HDAC11: variants seen among roughly 807,000 people sequenced by gnomAD.
HDAC11 encodes histone deacetylase 11.
Under a neutral mutation model 41.1 loss-of-function variants are expected in HDAC11, and 23 were observed. The observed-to-expected ratio is 0.56, with a 90% CI of 0.40 to 0.79. The LOEUF (loss-of-function observed/expected upper bound fraction) is 0.79, where lower values mean the gene tolerates loss of function less well. HDAC11 is among the 30% of genes least tolerant of loss of function. The probability of loss-of-function intolerance (pLI) is 0.00; values close to 1 mark genes in which losing one functional copy is unlikely to be tolerated. For missense variants in HDAC11, 402 were observed against 477.3 expected (o/e 0.84, Z 1.47); for synonymous variants, 187 against 186.6 (o/e 1.00, Z -0.02).
chr3:13,504,038 C>T (rs780578537), intron 8 of HDAC11, 56 bp from the exon 9 acceptor site: 16 of 1,538,448 alleles, frequency 1.0e-5, no homozygotes, highest in Non-Finnish European at 1.4e-5. Context: ...ACAGTCTTGT[C>T]CTGAGCCTCA....
intron 3 of HDAC11, among the ~76,000 whole-genome samples, chr3:13,493,342 G>A (rs1029600908): frequency 3.9e-5 from 6 of 152,036 alleles, no homozygotes; most frequent in South Asian, 2.1e-4. Flanking sequence ...CCAGGGACCC[G>A]CCACTAGTCC....
intron 8 of HDAC11, chr3:13,503,202 G>A: frequency 5.7e-6 from 2 of 353,516 alleles, no homozygotes; most frequent in Non-Finnish European, 1.0e-5. Flanking sequence ...CATTTGTCTG[G>A]CAAAAAACAG....
chr3:13,483,463 G>T lies in HDAC11; in HGVS notation c.152-1G>T. On this transcript the variant is annotated splice_acceptor_variant, in intron 2 of 9. Coordinates refer to ENST00000295757, the MANE Select transcript of HDAC11 (RefSeq NM_024827.4). LOFTEE classifies it high-confidence loss of function. Reference sequence around the variant, plus strand: ...GCAGGATGCTCCCTCTGTGGTTTCAGAAGAGAAGCTTCTGTCTGACAGCAT... The same window carrying T: ...GCAGGATGCTCCCTCTGTGGTTTCATAAGAGAAGCTTCTGTCTGACAGCAT... The T allele has an allele frequency of 6.2e-7, 1 of 1,614,004 alleles. No individual in the cohort carries two copies. Among genetic ancestry groups the T allele is most frequent in the Non-Finnish European group, 8.5e-7 (1 of 1,179,890 alleles).
At position 13,504,806 on chromosome 3, in the gene HDAC11, C is replaced by A; in HGVS notation, c.*123C>A. ...CATGGAGGGGCAGGGCCATCCCTGG[C>A]TGGGGCCTGGAGCTGGCCCTTCCTC... On this transcript the variant is annotated 3_prime_UTR_variant, in exon 10 of 10. Coordinates refer to ENST00000295757, the MANE Select transcript of HDAC11 (RefSeq NM_024827.4). 1 of 865,066 alleles carries A rather than the reference C, an allele frequency of 1.2e-6. No homozygotes were observed. The allele number at this position is 865,066 out of a possible 1,614,324, so 53.6% of individuals were successfully genotyped here.
rs577815999 is a variant in HDAC11 at position 13,490,054 on chromosome 3, C to T, written c.252+6490C>T. 1.5e-4 allele frequency among the ~76,000 whole-genome samples: 22 copies of T among 151,452 alleles called. No homozygotes were observed. In the East Asian group the frequency reaches 2.9e-3, roughly 20 times the overall value. On this transcript the variant is annotated intron_variant, in intron 3 of 9. Transcript: ENST00000295757. The stretch of plus-strand genomic sequence containing the variant: ...TGTCGCCTATGCTGGAGTGCAATGG[C>T]GCGATCTCGGCTCACTGCAACCTCC...
In HDAC11 at chr3:13,500,699, C is replaced by T; in HGVS notation, c.413-14C>T. The T allele has an allele frequency of 6.3e-7, 1 of 1,578,412 alleles. No homozygotes were observed. Among genetic ancestry groups the T allele is most frequent in the East Asian group, 2.3e-5 (1 of 43,764 alleles). On this transcript the variant is annotated splice_polypyrimidine_tract_variant and intron_variant, in intron 5 of 9. Coordinates refer to ENST00000295757, the MANE Select transcript of HDAC11 (RefSeq NM_024827.4). ...GCCTGGCTCTGAGCAGCACCGCTCT[C>T]TGCCCTTCCGCAGGGGGTGGCTTCC...
rs139753525 is a variant in HDAC11 at position 13,494,721 on chromosome 3, G to A, written c.253-2015G>A. On this transcript the variant is annotated intron_variant, in intron 3 of 9. Coordinates refer to ENST00000295757, the MANE Select transcript of HDAC11 (RefSeq NM_024827.4). Reference sequence around the variant, plus strand: ...TGAGGGAGTGATGCCAGCTTCCCCCGCCTTCAGCCGCCCTTGCCGGCCTGG... The same window carrying A: ...TGAGGGAGTGATGCCAGCTTCCCCCACCTTCAGCCGCCCTTGCCGGCCTGG... Among the ~76,000 whole-genome samples the A allele has an allele frequency of 7.7e-3, 1,162 of 151,354 alleles. 14 individuals are homozygous for A. The highest frequency in any genetic ancestry group is 0.013 in the Non-Finnish European group (914 of 67,882).
In HDAC11 at chr3:13,502,158, C is replaced by A; in HGVS notation, c.552+225C>A. On this transcript the variant is annotated intron_variant, in intron 7 of 9. Coordinates refer to ENST00000295757, the MANE Select transcript of HDAC11 (RefSeq NM_024827.4). The surrounding 1 kb of genome is among the most constrained non-coding windows in gnomAD (Gnocchi z 4.1). ...CTCCCTCCCTCCTCCTGACTGCCCC[C>A]ACATGAGGCTCTTCCTGAAGCCCAC... The A allele has an allele frequency of 1.8e-6, 1 of 557,102 alleles. No individual in the cohort carries two copies. Among genetic ancestry groups the A allele is most frequent in the Non-Finnish European group, 3.2e-6 (1 of 312,316 alleles). 34.5% of individuals were successfully genotyped at this position (557,102 alleles called of 1,614,324 possible). A position where few individuals can be genotyped will look rare whatever the true frequency, so the allele number is the denominator to read the frequency against.
chr3:13,485,767 A>G (rs373723477), intron 3 of HDAC11, among the ~76,000 whole-genome samples: 2 of 150,810 alleles, frequency 1.3e-5, no homozygotes, highest in South Asian at 2.1e-4. Flanking sequence ...CTGGTATGAC[A>G]GAGTGAGACT....
At chr3:13,492,569 G>A (rs1447226534) in intron 3 of HDAC11, among the ~76,000 whole-genome samples, 1 of 152,080 alleles carries the variant, frequency 6.6e-6, no homozygotes, top group African/African-American at 2.4e-5. Context: ...TTTTGAGACA[G>A]AGTTTCACTC....
At chr3:13,489,716 G>A (rs539588674) in intron 3 of HDAC11, among the ~76,000 whole-genome samples, 6 of 152,222 alleles carry the variant, frequency 3.9e-5, no homozygotes, top group Non-Finnish European at 8.8e-5. Flanking sequence ...ACAGGCGTGT[G>A]CTACCATGCC....
chr3:13,487,814 G>C (rs1361568452), intron 3 of HDAC11, among the ~76,000 whole-genome samples: 7 of 152,272 alleles, frequency 4.6e-5, no homozygotes, highest in African/African-American at 1.7e-4. Context: ...CTGGCATTTA[G>C]GTGGGAGAGT....
At position 13,505,196 on chromosome 3, in the gene HDAC11, G is replaced by A. The variant is rs922427836; in HGVS notation, c.*513G>A. On this transcript the variant is annotated 3_prime_UTR_variant, in exon 10 of 10. Coordinates refer to ENST00000295757, the MANE Select transcript of HDAC11 (RefSeq NM_024827.4). Reference sequence around the variant, plus strand: ...GGTGTGGATGGCCCAGGAGGTGCTGGAGCTAGGTCTCCAGGTGGGCCTGGT... The same window carrying A: ...GGTGTGGATGGCCCAGGAGGTGCTGAAGCTAGGTCTCCAGGTGGGCCTGGT... 1.2e-5 allele frequency: 2 copies of A among 166,746 alleles called. No homozygotes were observed. The highest frequency in any genetic ancestry group is 4.8e-5 in the African/African-American group (2 of 41,762). 10.3% of individuals were successfully genotyped at this position (166,746 alleles called of 1,614,324 possible). A position where few individuals can be genotyped will look rare whatever the true frequency, so the allele number is the denominator to read the frequency against.
chr3:13,483,568 C>T lies in HDAC11; in HGVS notation c.252+4C>T. The T allele has an allele frequency of 6.2e-7, 1 of 1,609,600 alleles. No homozygotes were observed. Among genetic ancestry groups the T allele is most frequent in the African/African-American group, 1.3e-5 (1 of 74,726 alleles). On this transcript the variant is annotated splice_donor_region_variant and intron_variant, in intron 3 of 9. Transcript: ENST00000295757. ...GCGCTATCTTAATGAGCTCAAGGTACAGGATGTCGGGCCTGGGGGGCTGCG... is the reference window on the plus strand; with the variant it reads ...GCGCTATCTTAATGAGCTCAAGGTATAGGATGTCGGGCCTGGGGGGCTGCG...
chr3:13,496,684 G>T, intron 3 of HDAC11, 52 bp from the exon 4 acceptor site: 2 of 1,211,576 alleles, frequency 1.7e-6, no homozygotes, highest in Non-Finnish European at 2.4e-6. Flanking sequence ...TTTCTCACGG[G>T]TTGCCTCAGG....
rs41293407 is a variant in HDAC11, at chr3:13,496,704, C to T, written c.253-32C>T. The T allele has an allele frequency of 3.3e-4, 477 of 1,450,224 alleles. 2 individuals carry two copies. Among genetic ancestry groups the T allele is most frequent in the South Asian group, 1.4e-3 (114 of 84,224 alleles). 89.8% of individuals were successfully genotyped at this position (1,450,224 alleles called of 1,614,324 possible). ...CACGGGTTGCCTCAGGGTGGGGAAG[C>T]GGAGGCCAACAGCCCCTGTCTTTTT... On this transcript the variant is annotated intron_variant, in intron 3 of 9. Coordinates refer to ENST00000295757, the MANE Select transcript of HDAC11 (RefSeq NM_024827.4).
intron 3 of HDAC11, among the ~76,000 whole-genome samples, chr3:13,490,846 G>A (rs1477418342): frequency 2.1e-5 from 3 of 142,216 alleles, no homozygotes; most frequent in Non-Finnish European, 4.5e-5. Context: ...CGCCTCCCAG[G>A]TTCAAGCGAT....
At chr3:13,491,069 TG>T (rs1235582751) in intron 3 of HDAC11, among the ~76,000 whole-genome samples, 4 of 10,224 alleles carry the variant, frequency 3.9e-4, no homozygotes, top group Non-Finnish European at 5.9e-4. Context: ...CTTTAATAGT[TG>T]TGTGTGTGTG....
intron 5 of HDAC11, among the ~76,000 whole-genome samples, chr3:13,500,360 G>A (rs773840095): frequency 6.6e-6 from 1 of 152,138 alleles, no homozygotes; most frequent in Non-Finnish European, 1.5e-5. Flanking sequence ...GGCAGAATCC[G>A]TGTGGCCCCC....
Sources: gnomAD v4.1 joint callset for allele counts (sites outside exome capture counted in the v4.1 genomes callset) on GRCh38, gnomAD v4.1.1 for gene constraint, Gnocchi (gnomAD v3.1) non-coding constraint, MANE v1.5 for transcripts, NCBI Gene and HGNC (gene_info 2026-07-23, HGNC 2026-07-21) for gene names.